The following UBE2D2 variants were observed in gnomAD, a reference collection of about 807,000 sequenced individuals.
The protein encoded by UBE2D2 is ubiquitin-conjugating enzyme E2 D2.
Under a neutral mutation model 24.2 loss-of-function variants are expected in UBE2D2, and 2 were observed. The ratio of observed to expected loss-of-function variants is 0.08; its 90% CI spans 0.03 to 0.26. The LOEUF is 0.26. Ranked by LOEUF, UBE2D2 falls within the 10% of genes least tolerant of loss-of-function variation. UBE2D2 has a pLI of 1.00. For synonymous variants in UBE2D2, 58 were observed against 56.5 expected, an observed-to-expected ratio of 1.03 and a Z score of -0.12; for missense variants, 44 against 177.6, an observed-to-expected ratio of 0.25 and a Z score of 4.28.
intron 1 of UBE2D2, among the ~76,000 whole-genome samples, chr5:139,528,791 G>A (rs1274036372): frequency 6.6e-6 from 1 of 152,186 alleles, no homozygotes; most frequent in East Asian, 1.9e-4. Context: ...AAACATAACT[G>A]TGTAGAAGTA....
At chr5:139,589,690 A>G (rs1233864598) in intron 1 of UBE2D2, among the ~76,000 whole-genome samples, 3 of 152,250 alleles carry the variant, frequency 2.0e-5, no homozygotes, top group Non-Finnish European at 4.4e-5. Flanking sequence ...TAGTTGAAAC[A>G]TCTCAATAAA....
At chr5:139,589,378 GT>G (rs908793505) in intron 1 of UBE2D2, among the ~76,000 whole-genome samples, 4 of 152,130 alleles carry the variant, frequency 2.6e-5, no homozygotes, top group African/African-American at 7.2e-5. Flanking sequence ...GACCAATATA[GT>G]GAAACCCTGT....
At chr5:139,547,284 C>A (rs1229615530) in intron 1 of UBE2D2, among the ~76,000 whole-genome samples, 1 of 151,896 alleles carries the variant, frequency 6.6e-6, no homozygotes, top group African/African-American at 2.4e-5. Context: ...GAGCGAGACT[C>A]CGTCTCAAAA....
intron 2 of UBE2D2, among the ~76,000 whole-genome samples, chr5:139,606,728 A>G (rs1247690665): frequency 6.6e-6 from 1 of 152,172 alleles, no homozygotes; most frequent in Non-Finnish European, 1.5e-5. Flanking sequence ...ATGTAGCAAT[A>G]TTTTATGCTT....
At chr5:139,619,680 T>C (rs565506299) in intron 5 of UBE2D2, among the ~76,000 whole-genome samples, 2 of 152,110 alleles carry the variant, frequency 1.3e-5, no homozygotes. Context: ...CTGACCAACA[T>C]GGAGAAACCC....
At chr5:139,530,815 T>C (rs2126625938) in intron 1 of UBE2D2, among the ~76,000 whole-genome samples, 1 of 152,322 alleles carries the variant, frequency 6.6e-6, no homozygotes, top group South Asian at 2.1e-4. Context: ...CCGGGAGCCA[T>C]GTTTGAAAAT....
Position 139,562,508 on chromosome 5 carries a change from A to T in UBE2D2, c.24+693A>T, listed in dbSNP as rs898485894. ...TAACACTTCCGTTTTGCAGGATTGG[A>T]TCTAATAGAAAAGCTGTACATTGGC... On this transcript the variant is annotated intron_variant, in intron 1 of 6. Transcript: ENST00000398733. The T allele has an allele frequency of 3.4e-6, 4 of 1,176,530 alleles. No homozygotes were observed. In the African/African-American group the frequency reaches 4.8e-5, roughly 14 times the overall value. The allele number at this position is 1,176,530 out of a possible 1,614,324, so 72.9% of individuals were successfully genotyped here.
chr5:139,561,764 CG>C lies in UBE2D2; in HGVS notation c.-23del. ...CCCTTCCCCGCCCCCGTCCCCGCCCCGGGGGCCGCCGCCACCCGCCTCCCAC... is the reference window on the plus strand; with the variant it reads ...CCCTTCCCCGCCCCCGTCCCCGCCCCGGGGCCGCCGCCACCCGCCTCCCAC... On this transcript the variant is annotated 5_prime_UTR_variant, in exon 1 of 7. Coordinates refer to ENST00000398733, the MANE Select transcript of UBE2D2 (RefSeq NM_003339.3). The C allele has an allele frequency of 3.3e-6, 5 of 1,493,534 alleles. No individual in the cohort carries two copies. Among genetic ancestry groups the C allele is most frequent in the Non-Finnish European group, 3.5e-6 (4 of 1,129,788 alleles). 92.5% of individuals were successfully genotyped at this position (1,493,534 alleles called of 1,614,324 possible).
At chr5:139,591,651 ATGATT>A (rs1270053662) in intron 1 of UBE2D2, among the ~76,000 whole-genome samples, 1 of 152,192 alleles carries the variant, frequency 6.6e-6, no homozygotes, top group African/African-American at 2.4e-5. Flanking sequence ...TCAGCTGCAG[ATGATT>A]TGATTTGTCA....
intron 1 of UBE2D2, among the ~76,000 whole-genome samples, chr5:139,538,913 T>TA (rs1232121253): frequency 6.7e-6 from 1 of 150,316 alleles, no homozygotes. Context: ...ATTACTACAA[T>TA]AAAAAAATGT....
At chr5:139,602,254 G>T (rs1344437220) in intron 2 of UBE2D2, among the ~76,000 whole-genome samples, 1 of 152,236 alleles carries the variant, frequency 6.6e-6, no homozygotes. Flanking sequence ...GTTTCGCCAT[G>T]TTGGCGAGGC....
intron 2 of UBE2D2, among the ~76,000 whole-genome samples, chr5:139,605,296 C>T (rs746478044): frequency 6.6e-6 from 1 of 151,930 alleles, no homozygotes; most frequent in African/African-American, 2.4e-5. Context: ...AATGTACATC[C>T]TGAAAGAAGT....
intron 1 of UBE2D2, among the ~76,000 whole-genome samples, chr5:139,587,410 G>A (rs1234787883): frequency 6.6e-6 from 1 of 152,160 alleles, no homozygotes; most frequent in Non-Finnish European, 1.5e-5. Flanking sequence ...TGAGGCCGTG[G>A]TGGCTCACGC....
chr5:139,593,799 G>T (rs1753903981), intron 1 of UBE2D2, among the ~76,000 whole-genome samples: 1 of 151,908 alleles, frequency 6.6e-6, no homozygotes, highest in African/African-American at 2.4e-5. Flanking sequence ...TTTTTTTTGT[G>T]GAGATAGAGT....
chr5:139,626,294 G>C (rs186398546), intron 6 of UBE2D2, among the ~76,000 whole-genome samples: 1 of 151,240 alleles, frequency 6.6e-6, no homozygotes, highest in African/African-American at 2.4e-5. Flanking sequence ...GGTGTGAAAC[G>C]CCTGGGCTCA....
intron 1 of UBE2D2, among the ~76,000 whole-genome samples, chr5:139,540,545 CA>C (rs540123430): frequency 1.7e-3 from 158 of 94,496 alleles, no homozygotes; most frequent in Admixed American, 2.7e-3. Context: ...GACTCCATCT[CA>C]AAAAAAAAAA....
At chr5:139,561,955 C>G in intron 1 of UBE2D2, 140 bp downstream of exon 1, 2 of 1,214,704 alleles carry the variant, frequency 1.6e-6, no homozygotes, top group Non-Finnish European at 2.2e-6. Flanking sequence ...CTCCATACCC[C>G]ACTCCCAGTG....
intron 1 of UBE2D2, among the ~76,000 whole-genome samples, chr5:139,566,449 A>C (rs11748952): frequency 6.6e-6 from 1 of 152,068 alleles, no homozygotes; most frequent in Non-Finnish European, 1.5e-5. Context: ...CCAGGTGGGC[A>C]GATCGCTTGA....
chr5:139,604,843 A>G (rs1340206636), intron 2 of UBE2D2, among the ~76,000 whole-genome samples: 2 of 151,702 alleles, frequency 1.3e-5, no homozygotes, highest in South Asian at 2.1e-4. Context: ...TTTGGCCACT[A>G]TACTCTAGCT....
Sources: allele counts gnomAD v4.1 joint callset (sites outside exome capture counted in the v4.1 genomes callset), GRCh38; gene constraint gnomAD v4.1.1; transcripts MANE v1.5; gene names NCBI Gene and HGNC (gene_info 2026-07-23, HGNC 2026-07-21).